TAOK2: variants seen among roughly 807,000 people sequenced by gnomAD.
TAOK2 encodes the protein serine/threonine-protein kinase TAO2.
Under a neutral mutation model 122.5 loss-of-function variants are expected in TAOK2, and 42 were observed. The observed-to-expected ratio is 0.34, with a 90% confidence interval of 0.27 to 0.44. TAOK2 has a LOEUF of 0.44. Ranked by LOEUF, TAOK2 falls within the 20% of genes least tolerant of loss-of-function variation. The pLI, the probability that TAOK2 is intolerant of heterozygous loss-of-function variation, is 1.00. For synonymous variants in TAOK2, 704 were observed against 677.6 expected (o/e 1.04, Z -0.61); for missense variants, 1,264 against 1,644.9 (o/e 0.77, Z 4.01).
At chr16:29,991,766 C>A, downstream of TAOK2, 2 of 594,212 alleles carry the variant, frequency 3.4e-6, no homozygotes, top group Non-Finnish European at 5.1e-6. The surrounding 1 kb of genome is among the most constrained non-coding windows in gnomAD (Gnocchi z 5.6). Flanking sequence ...TGCCTCAAGG[C>A]TGCCTGGGAG....
chr16:29,981,725 C>T lies in TAOK2; in HGVS notation c.720C>T (p.Asn240=), dbSNP rs749812575. The change falls in exon 9 of 16, where the codon AAC becomes AAT. Residue 240 remains asparagine (N), a synonymous_variant. Transcript: ENST00000308893. ...AMSALYHIAQ[N]ESPVLQSGHW... is the part of the protein sequence containing the mutation. The stretch of plus-strand genomic sequence containing the variant: ...GTGCCTTATACCACATTGCACAGAA[C>T]GAATCCCCCGTGCTCCAGTCAGGAC... 13 of 1,614,064 alleles carry T rather than the reference C, an allele frequency of 8.1e-6. No individual in the cohort carries two copies. Among genetic ancestry groups the T allele is most frequent in the East Asian group, 4.5e-5 (2 of 44,900 alleles).
downstream of TAOK2, chr16:29,991,410 C>T (rs544673512): frequency 2.2e-4 from 347 of 1,549,364 alleles, 6 homozygotes; most frequent in South Asian, 3.9e-3. The surrounding 1 kb of genome is among the most constrained non-coding windows in gnomAD (Gnocchi z 5.6). Context: ...AGCCCTGCTG[C>T]TGCTAAGAAA....
Position 29,986,887 on chromosome 16 carries a change from T to C in TAOK2, c.2615T>C (p.Leu872Ser). 1 of 1,613,926 alleles carries C rather than the reference T, an allele frequency of 6.2e-7. No homozygotes were observed. The highest frequency in any genetic ancestry group is 8.5e-7 in the Non-Finnish European group (1 of 1,179,920). The change falls in exon 16 of 16, where the codon TTG becomes TCG. Residue 872 changes from leucine to serine, a missense_variant. Leu to Ser is a moderately radical substitution (Grantham distance 145, BLOSUM62 -2). Transcript: ENST00000308893. This position sits in a 1 kb window ranked among gnomAD's most constrained non-coding sequence, Gnocchi z 4.2. ...VGQEEAGTWS[L>S]WGKEDESLLD... ...CAGGAGGAGGCTGGGACATGGAGCT[T>C]GTGGGGGAAGGAGGATGAGAGTCTT...
At chr16:29,991,309 C>T, downstream of TAOK2, 2 of 1,610,956 alleles carry the variant, frequency 1.2e-6, no homozygotes, top group Non-Finnish European at 1.7e-6. The surrounding 1 kb of genome is among the most constrained non-coding windows in gnomAD (Gnocchi z 5.6). Context: ...GGCATGCCCC[C>T]TCCAGCCTGG....
intron 11 of TAOK2, 65 bp downstream of exon 11, chr16:29,982,966 G>C (rs752716555): frequency 8.1e-6 from 13 of 1,604,138 alleles, no homozygotes; most frequent in Non-Finnish European, 1.1e-5. Context: ...GCAGTTGCTT[G>C]GCCCCTTCCC....
At chr16:29,980,566 TC>T (rs2069582305) in intron 8 of TAOK2, 1 of 152,226 alleles carries the variant, frequency 6.6e-6, no homozygotes, top group South Asian at 2.1e-4. Flanking sequence ...CATGAACTCT[TC>T]CACTTCCTTG....
intron 11 of TAOK2, 24 bp from the exon 12 acceptor site, chr16:29,983,048 C>G: frequency 6.2e-7 from 1 of 1,613,124 alleles, no homozygotes; most frequent in African/African-American, 1.3e-5. Flanking sequence ...CTTCCCTGTC[C>G]AGCAGCCTAC....
downstream of TAOK2, chr16:29,988,997 T>G (rs2069900301): frequency 1.0e-6 from 1 of 985,224 alleles, no homozygotes; most frequent in Non-Finnish European, 1.2e-6. Flanking sequence ...CGGCCCAAAA[T>G]GGGGCAGCCC....
rs2069668462 is a variant in TAOK2, at chr16:29,983,099, G to A, written c.1027G>A (p.Gly343Arg). ...EEAEPYMHRA[G>R]TLTSLESSHS... ...GGCCGAGCCCTACATGCACCGGGCC[G>A]GGACTCTGACCAGCCTCGAGAGTAG... Residue 343 changes from glycine to arginine, a missense_variant, in exon 12 of 16, where the codon GGG (glycine) becomes AGG (arginine). Gly to Arg is a moderately radical substitution (Grantham distance 125). Coordinates refer to ENST00000308893, the MANE Select transcript of TAOK2 (RefSeq NM_016151.4). 2.5e-6 allele frequency: 4 copies of A among 1,613,922 alleles called. No individual in the cohort carries two copies. The highest frequency in any genetic ancestry group is 2.2e-5 in the East Asian group (1 of 44,888).
At chr16:29,989,215 G>T (rs2069906692), downstream of TAOK2, 1 of 984,886 alleles carries the variant, frequency 1.0e-6, no homozygotes, top group South Asian at 4.7e-5. Flanking sequence ...CTCCCTCTTT[G>T]CCTGGTCAGA....
intron 8 of TAOK2, chr16:29,980,498 A>G (rs1247937612): frequency 6.6e-6 from 1 of 152,230 alleles, no homozygotes; most frequent in Non-Finnish European, 1.5e-5. Context: ...ACCAACCTAG[A>G]GGCTTTGCTT....
chr16:29,976,758 C>T (rs536318480), intron 1 of TAOK2, among the ~76,000 whole-genome samples: 4 of 152,286 alleles, frequency 2.6e-5, no homozygotes, highest in Non-Finnish European at 4.4e-5. Flanking sequence ...CAGGCCTAAC[C>T]GGGGAGCCGA....
At chr16:29,984,181 C>G (rs921411221) in intron 13 of TAOK2, among the ~76,000 whole-genome samples, 3 of 152,196 alleles carry the variant, frequency 2.0e-5, no homozygotes, top group Non-Finnish European at 4.4e-5. Context: ...AGCTCTCAGG[C>G]TTACACACAG....
Position 29,983,268 on chromosome 16 carries a change from T to C in TAOK2, c.1196T>C (p.Met399Thr). ...GAAGAAGGCCCTGAAGCCCGGGAGA[T>C]GGCCATGATGCAGGAGGGGGAGCAC... The part of the protein sequence containing the change: ...EEEEGPEARE[M>T]AMMQEGEHTV... The change falls in exon 12 of 16, where the codon ATG becomes ACG. Residue 399 changes from methionine to threonine, a missense_variant. Transcript: ENST00000308893. 6.2e-7 allele frequency: 1 copy of C among 1,607,034 alleles called. No individual in the cohort carries two copies. Among genetic ancestry groups the C allele is most frequent in the Non-Finnish European group, 8.5e-7 (1 of 1,179,866 alleles).
At position 29,983,597 on chromosome 16, in the gene TAOK2, C is replaced by A; in HGVS notation, c.1355C>A (p.Ser452Tyr). The A allele has an allele frequency of 3.7e-6, 6 of 1,613,968 alleles. No homozygotes were observed. Among genetic ancestry groups the A allele is most frequent in the Non-Finnish European group, 5.1e-6 (6 of 1,180,026 alleles). Residue 452 changes from serine (S) to tyrosine (Y), a missense_variant, in exon 13 of 16, where the codon TCT (serine) becomes TAT (tyrosine). Ser to Tyr is a moderately radical substitution (Grantham distance 144, BLOSUM62 -2). Coordinates refer to ENST00000308893, the MANE Select transcript of TAOK2 (RefSeq NM_016151.4). ...PAAPAPTSTTSSARRRAYCRN... is the reference protein window; with the variant it reads ...PAAPAPTSTTYSARRRAYCRN... Reference sequence around the variant, plus strand: ...GCCCCAGCTCCCACTTCCACCACCTCTTCCGCCCGCCGCCGGGCCTACTGC... The same window carrying A: ...GCCCCAGCTCCCACTTCCACCACCTATTCCGCCCGCCGCCGGGCCTACTGC...
At chr16:29,975,548 T>C (rs1202375025) in intron 1 of TAOK2, among the ~76,000 whole-genome samples, 2 of 152,208 alleles carry the variant, frequency 1.3e-5, no homozygotes, top group Non-Finnish European at 2.9e-5. Context: ...AGGAGGGCTC[T>C]ACTCAGAAGC....
In TAOK2 at chr16:29,987,750, C is replaced by T; in HGVS notation, c.3478C>T (p.Arg1160Cys). The T allele has an allele frequency of 6.2e-7, 1 of 1,614,052 alleles. No individual in the cohort carries two copies. Among genetic ancestry groups the T allele is most frequent in the Non-Finnish European group, 8.5e-7 (1 of 1,179,958 alleles). The change falls in exon 16 of 16, where the codon CGT becomes TGT. Residue 1160 changes from arginine to cysteine, a missense_variant. Coordinates refer to ENST00000308893, the MANE Select transcript of TAOK2 (RefSeq NM_016151.4). ...GGTCCTGTGCAAGGGCTGGAACTGG[C>T]GTCTGGCACGGGCCAGCCAGGGTTT... ...VWVLCKGWNW[R>C]LARASQGLAS...
chr16:29,984,078 G>T (rs1303191923), intron 13 of TAOK2, among the ~76,000 whole-genome samples: 1 of 152,234 alleles, frequency 6.6e-6, no homozygotes. Context: ...CCCTGTGCTT[G>T]GGTGGTCCTG....
Position 29,986,975 on chromosome 16 carries a change from GGAGGAAGAA to G in TAOK2, c.2712_2720del (p.Glu905_Glu907del). The G allele has an allele frequency of 1.2e-6, 2 of 1,613,600 alleles. No homozygotes were observed. The highest frequency in any genetic ancestry group is 1.7e-6 in the Non-Finnish European group (2 of 1,179,690). On this transcript the variant is annotated inframe_deletion, in exon 16 of 16. Coordinates refer to ENST00000308893, the MANE Select transcript of TAOK2 (RefSeq NM_016151.4). The surrounding 1 kb of genome is among the most constrained non-coding windows in gnomAD (Gnocchi z 4.2). ...CAGCACTGACTCCCGTCCCTGAGGAGGAGGAAGAAGAGGAAGAGGGGGCTCCGATTGGGA... is the reference window on the plus strand; with the variant it reads ...CAGCACTGACTCCCGTCCCTGAGGAGGAGGAAGAGGGGGCTCCGATTGGGA...
Sources: allele counts gnomAD v4.1 joint callset (sites outside exome capture counted in the v4.1 genomes callset), GRCh38; gene constraint gnomAD v4.1.1; non-coding constraint Gnocchi (gnomAD v3.1); transcripts MANE v1.5; gene names NCBI Gene and HGNC (gene_info 2026-07-23, HGNC 2026-07-21).